Variants in RIT2 observed in about 807,000 individuals in gnomAD.
The protein encoded by RIT2 is GTP-binding protein Rit2.
Under a neutral mutation model 23.7 loss-of-function variants are expected in RIT2, and 24 were observed. That is an observed-to-expected ratio of 1.01 (90% CI 0.73 to 1.43). The LOEUF is 1.43. Among genes scored for constraint, RIT2 ranks in the 40% most tolerant of loss-of-function variants. The probability of loss-of-function intolerance (pLI) is 0.00; values close to 1 mark genes in which losing one functional copy is unlikely to be tolerated. For synonymous variants in RIT2, 107 were observed against 91.1 expected (o/e 1.17, Z -0.99); for missense variants, 236 against 266.9 (o/e 0.88, Z 0.81).
intron 2 of RIT2, among the ~76,000 whole-genome samples, chr18:43,010,281 A>T (rs1366504744): frequency 6.6e-6 from 1 of 151,844 alleles, no homozygotes; most frequent in Non-Finnish European, 1.5e-5. Context: ...TCTAATAGAA[A>T]GGAATTAATG....
intron 2 of RIT2, among the ~76,000 whole-genome samples, chr18:42,998,485 G>A (rs1568051344): frequency 6.6e-6 from 1 of 152,032 alleles, no homozygotes; most frequent in Non-Finnish European, 1.5e-5. Context: ...AAATAGATTG[G>A]ACCAAGACTA....
chr18:42,930,900 G>A (rs1319000994), intron 3 of RIT2, among the ~76,000 whole-genome samples: 1 of 152,066 alleles, frequency 6.6e-6, no homozygotes, highest in Non-Finnish European at 1.5e-5. Flanking sequence ...TTTGAGAGCT[G>A]GAGCTTTGCC....
At chr18:43,047,940 G>T (rs1912286828) in intron 1 of RIT2, among the ~76,000 whole-genome samples, 1 of 152,158 alleles carries the variant, frequency 6.6e-6, no homozygotes, top group Non-Finnish European at 1.5e-5. Context: ...AAAGAGGAGG[G>T]CAGCCTTGGA....
chr18:42,758,680 AT>A (rs11371811), intron 4 of RIT2, among the ~76,000 whole-genome samples: 6,326 of 139,814 alleles, frequency 0.045, 421 homozygotes, highest in African/African-American at 0.15. Flanking sequence ...CACCCGGCTA[AT>A]TTTTTTTTTT....
At chr18:42,932,023 A>G (rs1191162745) in intron 3 of RIT2, among the ~76,000 whole-genome samples, 2 of 152,140 alleles carry the variant, frequency 1.3e-5, no homozygotes, top group African/African-American at 4.8e-5. Context: ...ATAAATTACT[A>G]TTTGGTTCCT....
At chr18:43,021,275 C>G (rs961719315) in intron 2 of RIT2, among the ~76,000 whole-genome samples, 1 of 151,852 alleles carries the variant, frequency 6.6e-6, no homozygotes, top group East Asian at 1.9e-4. Context: ...AAGAAGTATA[C>G]GAAGAAATGC....
Position 43,024,453 on chromosome 18 carries a change from A to T in RIT2, c.160+9358T>A, listed in dbSNP as rs185625569. Among the ~76,000 whole-genome samples, 64 of 152,166 alleles carry T rather than the reference A, an allele frequency of 4.2e-4. 1 individual carries two copies. In the East Asian group the frequency reaches 0.011, roughly 26 times the overall value. On this transcript the variant is annotated intron_variant, in intron 2 of 4. Transcript: ENST00000326695. The stretch of plus-strand genomic sequence containing the variant: ...TGTAAGACCTAAAAATATATTTTTT[A>T]AAAAAACTAGAATAAAAACTAAGAA...
At chr18:43,011,625 T>A (rs1208196932) in intron 2 of RIT2, among the ~76,000 whole-genome samples, 2 of 151,748 alleles carry the variant, frequency 1.3e-5, no homozygotes, top group African/African-American at 4.8e-5. Context: ...AATAAAATAT[T>A]CCTAGGCCTA....
chr18:42,839,852 C>A (rs529551), intron 4 of RIT2, among the ~76,000 whole-genome samples: 2,641 of 152,264 alleles, frequency 0.017, 100 homozygotes, highest in African/African-American at 0.06. Context: ...TCTATAATAA[C>A]CAGTCCAGGA....
At chr18:42,784,065 T>G (rs990985053) in intron 4 of RIT2, among the ~76,000 whole-genome samples, 2 of 152,046 alleles carry the variant, frequency 1.3e-5, no homozygotes, top group Non-Finnish European at 2.9e-5. Context: ...CACTAGTTAT[T>G]TGGAGTGAGG....
At chr18:42,750,448 A>G (rs1913019491) in intron 4 of RIT2, among the ~76,000 whole-genome samples, 1 of 151,878 alleles carries the variant, frequency 6.6e-6, no homozygotes, top group African/African-American at 2.4e-5. Flanking sequence ...CTGCAATTAA[A>G]CACTCAATTA....
chr18:42,895,143 G>T (rs1227911107), intron 4 of RIT2, among the ~76,000 whole-genome samples: 1 of 151,994 alleles, frequency 6.6e-6, no homozygotes, highest in Non-Finnish European at 1.5e-5. Context: ...GATATGAATT[G>T]GAAACTCCTT....
chr18:42,757,458 A>G (rs1913190401), intron 4 of RIT2, among the ~76,000 whole-genome samples: 1 of 152,160 alleles, frequency 6.6e-6, no homozygotes, highest in Non-Finnish European at 1.5e-5. Flanking sequence ...CAATCAACCT[A>G]TATATCTTTT....
intron 4 of RIT2, among the ~76,000 whole-genome samples, chr18:42,888,631 T>G (rs1008734212): frequency 9.2e-5 from 14 of 152,012 alleles, no homozygotes; most frequent in African/African-American, 3.4e-4. Flanking sequence ...GCTGCAGTAT[T>G]CACAATAGCA....
At chr18:42,992,878 C>T (rs1435801626) in intron 2 of RIT2, among the ~76,000 whole-genome samples, 1 of 152,114 alleles carries the variant, frequency 6.6e-6, no homozygotes, top group Non-Finnish European at 1.5e-5. Context: ...GGTCAGAAGG[C>T]CGTTTTATTA....
chr18:42,853,023 G>A (rs541138108), intron 4 of RIT2, among the ~76,000 whole-genome samples: 1 of 152,028 alleles, frequency 6.6e-6, no homozygotes, highest in East Asian at 1.9e-4. Context: ...TAGTAGAGAC[G>A]GGGTTTCACC....
chr18:43,046,191 T>A lies in RIT2; in HGVS notation c.104-12324A>T, dbSNP rs370254972. On this transcript the variant is annotated intron_variant, in intron 1 of 4. Coordinates refer to ENST00000326695, the MANE Select transcript of RIT2 (RefSeq NM_002930.4). Reference sequence around the variant, plus strand: ...TTTAGTCAATAATCAATGTGACAATTACAAAACTACAAGAATGAGTCAGTG... The same window carrying A: ...TTTAGTCAATAATCAATGTGACAATAACAAAACTACAAGAATGAGTCAGTG... Among the ~76,000 whole-genome samples the A allele has an allele frequency of 3.3e-5, 5 of 152,222 alleles. No homozygotes were observed. In the East Asian group the frequency reaches 7.7e-4, roughly 24 times the overall value.
At chr18:42,929,820 G>A (rs1419039502) in intron 3 of RIT2, among the ~76,000 whole-genome samples, 1 of 152,138 alleles carries the variant, frequency 6.6e-6, no homozygotes, top group African/African-American at 2.4e-5. Flanking sequence ...ACAGCCAGGA[G>A]CACATGTGAG....
intron 2 of RIT2, among the ~76,000 whole-genome samples, chr18:43,019,723 A>G (rs926253010): frequency 3.9e-5 from 6 of 152,186 alleles, no homozygotes; most frequent in African/African-American, 1.2e-4. Context: ...AAGACAACAA[A>G]TTGAAAATCA....
Sources: gnomAD v4.1 joint callset for allele counts (sites outside exome capture counted in the v4.1 genomes callset) on GRCh38, gnomAD v4.1.1 for gene constraint, MANE v1.5 for transcripts, NCBI Gene and HGNC (gene_info 2026-07-23, HGNC 2026-07-21) for gene names.